The following LAMB4 variants were observed in gnomAD, a reference collection of about 807,000 sequenced individuals.
LAMB4 encodes laminin subunit beta 4.
Under a neutral mutation model 199.2 loss-of-function variants are expected in LAMB4, and 196 were observed. The observed-to-expected ratio is 0.98, with a 90% confidence interval of 0.88 to 1.11. The LOEUF (loss-of-function observed/expected upper bound fraction) is 1.11, where lower values mean the gene tolerates loss of function less well. Ranked by LOEUF, LAMB4 falls within the 50% of genes least tolerant of loss-of-function variation. The probability of loss-of-function intolerance (pLI) is 0.00; values close to 1 mark genes in which losing one functional copy is unlikely to be tolerated. For missense variants in LAMB4, 2,080 were observed against 2,171.2 expected (o/e 0.96, Z 0.83); for synonymous variants, 744 against 770.6 (o/e 0.97, Z 0.57).
At chr7:108,023,444 G>C (rs777293614), downstream of LAMB4, 20 of 152,190 alleles carry the variant, frequency 1.3e-4, no homozygotes, top group Admixed American at 3.9e-4. Flanking sequence ...ATGAGGAGAA[G>C]TAGTTCAATA....
intron 14 of LAMB4, among the ~76,000 whole-genome samples, chr7:108,087,359 C>G (rs389486): frequency 0.4 from 60,514 of 150,952 alleles, 12,362 homozygotes; most frequent in East Asian, 0.58. Context: ...GAGGTACTGG[C>G]TTTGGGAACA....
intron 25 of LAMB4, among the ~76,000 whole-genome samples, chr7:108,054,605 T>G (rs2035922428): frequency 6.6e-6 from 1 of 152,140 alleles, no homozygotes; most frequent in Non-Finnish European, 1.5e-5. Context: ...GTAGAAACTA[T>G]ACCCAATTCA....
At chr7:108,127,512 G>A (rs2038835938) in intron 1 of LAMB4, among the ~76,000 whole-genome samples, 1 of 152,214 alleles carries the variant, frequency 6.6e-6, no homozygotes, top group African/African-American at 2.4e-5. Flanking sequence ...TAGTTTGCCT[G>A]GGACTTTTCT....
chr7:108,124,362 G>T (rs1049828035), intron 1 of LAMB4, among the ~76,000 whole-genome samples: 26 of 152,030 alleles, frequency 1.7e-4, no homozygotes, highest in Non-Finnish European at 2.6e-4. Context: ...CTAAATCTTT[G>T]TTTATAGCCT....
chr7:108,100,214 A>G (rs1428096665), intron 10 of LAMB4, among the ~76,000 whole-genome samples: 3 of 152,234 alleles, frequency 2.0e-5, no homozygotes, highest in Admixed American at 6.5e-5. Flanking sequence ...TTGGTGTCAC[A>G]TAATTCTAGC....
At chr7:108,025,395 T>G (rs2034798582) in intron 33 of LAMB4, among the ~76,000 whole-genome samples, 1 of 131,992 alleles carries the variant, frequency 7.6e-6, no homozygotes. Flanking sequence ...TTTCTTTTCT[T>G]TCTTTCTTTC....
In LAMB4 at chr7:108,055,908, C is replaced by T. The variant is rs757036528; in HGVS notation, c.3479G>A (p.Arg1160His). The change falls in exon 25 of 34, where the codon CGC becomes CAC. Residue 1160 changes from arginine (R) to histidine (H), a missense_variant. Transcript: ENST00000388781. ...TTCCTGGCTGTGTCCCCGGGCACAG[C>T]GATCACATCTCTGGCCGCTGACACC... ...REGVSGQRCDRCARGHSQEFP... is the reference protein window; with the variant it reads ...REGVSGQRCDHCARGHSQEFP... 1.2e-5 allele frequency: 20 copies of T among 1,614,036 alleles called. No homozygotes were observed. Among genetic ancestry groups the T allele is most frequent in the South Asian group, 4.4e-5 (4 of 91,080 alleles).
In LAMB4 at chr7:108,055,989, G is replaced by T. The variant is rs779438117; in HGVS notation, c.3398C>A (p.Ala1133Glu). ...GRCIPCDCNRAGTQKPICDPD... is the reference protein window; with the variant it reads ...GRCIPCDCNREGTQKPICDPD... ...ATCACAGATGGGCTTCTGGGTACCT[G>T]CCCTGTTACAATCACATGCTAAAAA... The change falls in exon 25 of 34, where the codon GCA becomes GAA. Residue 1133 changes from alanine to glutamate, a missense_variant. Transcript: ENST00000388781. 1.9e-6 allele frequency: 3 copies of T among 1,611,580 alleles called. No homozygotes were observed. The highest frequency in any genetic ancestry group is 1.1e-5 in the South Asian group (1 of 90,828).
intron 29 of LAMB4, among the ~76,000 whole-genome samples, chr7:108,042,612 C>T (rs1036824777): frequency 2.6e-5 from 4 of 152,032 alleles, no homozygotes; most frequent in Admixed American, 2.6e-4. Context: ...CTGATTCTAC[C>T]CCATTCGTTT....
rs367612441 is a variant in LAMB4 at position 108,071,079 on chromosome 7, G to A, written c.2125-1194C>T. Among the ~76,000 whole-genome samples, 7 of 152,114 alleles carry A rather than the reference G, an allele frequency of 4.6e-5. No homozygotes were observed. In the East Asian group the frequency reaches 1.4e-3, roughly 29 times the overall value. On this transcript the variant is annotated intron_variant, in intron 17 of 33. Coordinates refer to ENST00000388781, the MANE Select transcript of LAMB4 (RefSeq NM_007356.3). ...CTTACAAAACTCTTCTGCATATTAT[G>A]TTTGCTTTCTTCACTCTCTTCCTCT... is the stretch of plus-strand genomic sequence containing the variant.
intron 27 of LAMB4, 24 bp downstream of exon 27, chr7:108,049,302 G>T: frequency 1.5e-6 from 2 of 1,301,648 alleles, no homozygotes; most frequent in South Asian, 2.5e-5. Flanking sequence ...CAAATGCTTT[G>T]ACCTTACCAT....
intron 23 of LAMB4, among the ~76,000 whole-genome samples, chr7:108,058,813 C>T (rs750474439): frequency 2.6e-5 from 4 of 152,048 alleles, no homozygotes; most frequent in Non-Finnish European, 5.9e-5. Flanking sequence ...TGCACCACCA[C>T]ACCCGGCAAT....
intron 14 of LAMB4, among the ~76,000 whole-genome samples, chr7:108,084,693 A>G (rs1397584931): frequency 1.3e-5 from 2 of 151,998 alleles, no homozygotes; most frequent in East Asian, 1.9e-4. Flanking sequence ...GAGTGCCGAT[A>G]GCCCCAAGAA....
intron 2 of LAMB4, among the ~76,000 whole-genome samples, chr7:108,119,249 C>T (rs1303293827): frequency 6.6e-6 from 1 of 152,218 alleles, no homozygotes; most frequent in African/African-American, 2.4e-5. Flanking sequence ...TAAGCAGGTA[C>T]TGATCAAGCA....
At chr7:108,093,686 C>G (rs1295028602) in intron 12 of LAMB4, among the ~76,000 whole-genome samples, 1 of 151,986 alleles carries the variant, frequency 6.6e-6, no homozygotes, top group African/African-American at 2.4e-5. Flanking sequence ...GTATAAAATG[C>G]TAAAAAAAAT....
chr7:108,066,977 T>C (rs1386223017), intron 19 of LAMB4, among the ~76,000 whole-genome samples: 2 of 151,802 alleles, frequency 1.3e-5, no homozygotes, highest in Non-Finnish European at 2.9e-5. Context: ...ATATAATCTC[T>C]AGATTATAAA....
intron 23 of LAMB4, among the ~76,000 whole-genome samples, chr7:108,059,540 G>A (rs1287707231): frequency 6.6e-6 from 1 of 152,138 alleles, no homozygotes; most frequent in Non-Finnish European, 1.5e-5. Flanking sequence ...GTACTAGTCT[G>A]TCAGTATAAT....
At chr7:108,098,771 A>G (rs753183642) in intron 10 of LAMB4, among the ~76,000 whole-genome samples, 189 bp from the exon 11 acceptor site, 28 of 152,354 alleles carry the variant, frequency 1.8e-4, no homozygotes, top group Non-Finnish European at 3.1e-4. Flanking sequence ...AAAACGTTGA[A>G]TAAATCCATG....
chr7:108,068,302 A>G (rs189129053), intron 18 of LAMB4, 143 bp from the exon 19 acceptor site: 172 of 826,336 alleles, frequency 2.1e-4, no homozygotes, highest in South Asian at 3.8e-4. Context: ...GGAATAATAT[A>G]GAATCTGCCT....
Sources: allele counts gnomAD v4.1 joint callset (sites outside exome capture counted in the v4.1 genomes callset), GRCh38; gene constraint gnomAD v4.1.1; transcripts MANE v1.5; gene names NCBI Gene and HGNC (gene_info 2026-07-23, HGNC 2026-07-21).